The following ZNF670 variants were observed in gnomAD, a reference collection of about 807,000 sequenced individuals.
ZNF670 encodes the protein zinc finger protein 670.
ZNF670 carries 7 observed loss-of-function variants against 10.9 expected under a neutral mutation model. That is an observed-to-expected ratio of 0.64 (90% CI 0.36 to 1.20). The LOEUF (loss-of-function observed/expected upper bound fraction) is 1.20, where lower values mean the gene tolerates loss of function less well. Ranked by LOEUF, ZNF670 falls within the 50% of genes most tolerant of loss-of-function variation. ZNF670 has a pLI of 0.02. For synonymous variants in ZNF670, 136 were observed against 152.7 expected (o/e 0.89, Z 0.81); for missense variants, 446 against 458.6 (o/e 0.97, Z 0.25).
At chr1:247,076,233 G>A (rs1671248787) in intron 1 of ZNF670, among the ~76,000 whole-genome samples, 1 of 151,546 alleles carries the variant, frequency 6.6e-6, no homozygotes, top group Non-Finnish European at 1.5e-5. Flanking sequence ...AGGAGACACT[G>A]TACTGTGCCC....
At chr1:247,066,719 G>A (rs973771048) in intron 1 of ZNF670, among the ~76,000 whole-genome samples, 8 of 152,088 alleles carry the variant, frequency 5.3e-5, no homozygotes, top group Non-Finnish European at 1.2e-4. Context: ...TTTGGAATTC[G>A]GGAAAAGCCA....
At chr1:247,039,225 A>AT (rs1160747756) in intron 2 of ZNF670, among the ~76,000 whole-genome samples, 186 bp downstream of exon 2, 1 of 151,544 alleles carries the variant, frequency 6.6e-6, no homozygotes, top group Non-Finnish European at 1.5e-5. Flanking sequence ...CGCCTGGCTA[A>AT]TTTTTTTATT....
chr1:247,056,476 A>T (rs563576862), intron 1 of ZNF670, among the ~76,000 whole-genome samples: 1 of 152,380 alleles, frequency 6.6e-6, no homozygotes, highest in Non-Finnish European at 1.5e-5. Context: ...AAAACAAATG[A>T]TAATGGAAAT....
At chr1:247,058,370 T>G (rs924902473) in intron 1 of ZNF670, among the ~76,000 whole-genome samples, 1 of 152,166 alleles carries the variant, frequency 6.6e-6, no homozygotes, top group African/African-American at 2.4e-5. Flanking sequence ...TGAAATGCAG[T>G]ACAAGTGGTG....
chr1:247,048,354 CAAG>C (rs1415941253), intron 1 of ZNF670, among the ~76,000 whole-genome samples: 1 of 152,152 alleles, frequency 6.6e-6, no homozygotes, highest in Non-Finnish European at 1.5e-5. Flanking sequence ...CTTCAGTTCC[CAAG>C]AAGATCCTCA....
Position 247,038,387 on chromosome 1 carries a change from TG to T in ZNF670, c.231del (p.Ser78ValfsTer13). ...VVERLFEIKE[G>X]SQYGETFSQD... ...TGGCTGAAGGTTTCTCCATATTGACTGCCTTCTTTAATTTCAAACAGTCTCT... is the reference window on the plus strand; with the variant it reads ...TGGCTGAAGGTTTCTCCATATTGACTCCTTCTTTAATTTCAAACAGTCTCT... On this transcript the variant is annotated frameshift_variant, in exon 4 of 4. Coordinates refer to ENST00000366503, the MANE Select transcript of ZNF670 (RefSeq NM_033213.5). LOFTEE classifies it low-confidence loss of function (END_TRUNC). The T allele has an allele frequency of 6.2e-7, 1 of 1,613,076 alleles. No individual in the cohort carries two copies. The highest frequency in any genetic ancestry group is 1.1e-5 in the South Asian group (1 of 91,036).
chr1:247,058,934 A>G (rs1344354670), intron 1 of ZNF670, among the ~76,000 whole-genome samples: 1 of 152,168 alleles, frequency 6.6e-6, no homozygotes, highest in Non-Finnish European at 1.5e-5. Context: ...TGATCACACT[A>G]GTGAATTCCA....
chr1:247,063,577 C>CAAA (rs5782410), intron 1 of ZNF670, among the ~76,000 whole-genome samples: 44 of 93,224 alleles, frequency 4.7e-4, no homozygotes, highest in South Asian at 2.2e-3. Context: ...AGCGAGACAC[C>CAAA]AAAAAAAAAA....
intron 1 of ZNF670, among the ~76,000 whole-genome samples, chr1:247,077,501 AC>A (rs2103076261): frequency 1.3e-5 from 2 of 152,262 alleles, no homozygotes; most frequent in East Asian, 3.9e-4. Context: ...ATGCACAAAG[AC>A]TTTTTTTTTC....
At chr1:247,072,343 C>T (rs926186721) in intron 1 of ZNF670, among the ~76,000 whole-genome samples, 6 of 146,246 alleles carry the variant, frequency 4.1e-5, no homozygotes, top group African/African-American at 1.5e-4. Flanking sequence ...AAAGTTCAGG[C>T]AGGGTCTCAT....
intron 1 of ZNF670, among the ~76,000 whole-genome samples, chr1:247,065,590 T>A (rs994299197): frequency 9.2e-5 from 14 of 152,146 alleles, no homozygotes; most frequent in African/African-American, 3.4e-4. Context: ...TAAAGTGGAA[T>A]AGCGTGCAGA....
chr1:247,050,170 T>C (rs751230613), intron 1 of ZNF670, among the ~76,000 whole-genome samples: 1 of 152,226 alleles, frequency 6.6e-6, no homozygotes, highest in Non-Finnish European at 1.5e-5. Context: ...TTTTTAGGTC[T>C]AGTAGTAATT....
intron 1 of ZNF670, among the ~76,000 whole-genome samples, chr1:247,041,645 G>T (rs1040092691): frequency 1.6e-4 from 25 of 152,144 alleles, no homozygotes; most frequent in Non-Finnish European, 7.4e-5. Context: ...AATGTCCAGA[G>T]AATTTACGGT....
intron 1 of ZNF670, chr1:247,043,920 A>C (rs1670378758): frequency 3.3e-6 from 1 of 299,332 alleles, no homozygotes; most frequent in Non-Finnish European, 6.5e-6. Flanking sequence ...CAGAGATATA[A>C]GACCAGTCTA....
intron 1 of ZNF670, among the ~76,000 whole-genome samples, chr1:247,072,333 A>T (rs1359802139): frequency 3.6e-5 from 5 of 140,032 alleles, no homozygotes; most frequent in South Asian, 2.5e-4. Flanking sequence ...TTTTTTTTTT[A>T]AAGTTCAGGC....
intron 1 of ZNF670, among the ~76,000 whole-genome samples, chr1:247,051,254 C>CAAA (rs1558340407): frequency 1.5e-5 from 2 of 131,876 alleles, no homozygotes; most frequent in African/African-American, 6.1e-5. Flanking sequence ...ACTCCGTCTC[C>CAAA]AAGAAAAAAA....
chr1:247,039,989 CTAAG>C (rs751769815), intron 1 of ZNF670, among the ~76,000 whole-genome samples: 8 of 152,306 alleles, frequency 5.3e-5, no homozygotes, highest in African/African-American at 7.2e-5. Context: ...TCTCATCACC[CTAAG>C]TGAGTGGTTC....
At position 247,037,198 on chromosome 1, in the gene ZNF670, T is replaced by G; in HGVS notation, c.*251A>C. The G allele has an allele frequency of 2.5e-6, 1 of 392,940 alleles. No homozygotes were observed. Among genetic ancestry groups the G allele is most frequent in the Non-Finnish European group, 4.5e-6 (1 of 223,258 alleles). The allele number at this position is 392,940 out of a possible 1,614,324, so 24.3% of individuals were successfully genotyped here. A position where few individuals can be genotyped will look rare whatever the true frequency, so the allele number is the denominator to read the frequency against. On this transcript the variant is annotated 3_prime_UTR_variant, in exon 4 of 4. Coordinates refer to ENST00000366503, the MANE Select transcript of ZNF670 (RefSeq NM_033213.5). ...CAATGAACCACTGATAAAAATATAT[T>G]TGAAAGCGGCTGGGAAAATAAAGTG... is the stretch of plus-strand genomic sequence containing the variant.
At chr1:247,045,104 G>GTTTCCC (rs1558338035) in intron 1 of ZNF670, among the ~76,000 whole-genome samples, 1 of 152,100 alleles carries the variant, frequency 6.6e-6, no homozygotes, top group Non-Finnish European at 1.5e-5. Flanking sequence ...CCAGAGAATC[G>GTTTCCC]TAACTCACTT....
Sources: allele counts gnomAD v4.1 joint callset (sites outside exome capture counted in the v4.1 genomes callset), GRCh38; gene constraint gnomAD v4.1.1; transcripts MANE v1.5; gene names NCBI Gene and HGNC (gene_info 2026-07-23, HGNC 2026-07-21).